IL7: variants seen among roughly 807,000 people sequenced by gnomAD.
The protein encoded by IL7 is interleukin 7, also known as interleukin-7.
IL7 carries 3 observed loss-of-function variants against 21.6 expected under a neutral mutation model. The ratio of observed to expected loss-of-function variants is 0.14; its 90% CI spans 0.06 to 0.36. The LOEUF (loss-of-function observed/expected upper bound fraction) is 0.36. Ranked by LOEUF, IL7 falls within the 10% of genes least tolerant of loss-of-function variation. The probability of loss-of-function intolerance (pLI) is 1.00; values close to 1 mark genes in which losing one functional copy is unlikely to be tolerated. For missense variants in IL7, 175 were observed against 200.2 expected (o/e 0.87, Z 0.76); for synonymous variants, 62 against 68.1 (o/e 0.91, Z 0.44).
chr8:78,712,171 G>A (rs1344849717), intron 3 of IL7: 1 of 948,600 alleles, frequency 1.1e-6, no homozygotes, highest in Middle Eastern at 2.7e-4. Flanking sequence ...TTTATATAAT[G>A]GAATAACATA....
chr8:78,691,609 C>G (rs1003354943), intron 3 of IL7, among the ~76,000 whole-genome samples: 3 of 152,046 alleles, frequency 2.0e-5, no homozygotes, highest in Non-Finnish European at 4.4e-5. Context: ...GGTCTGCCAT[C>G]TGTTTTCTCC....
chr8:78,739,538 A>C (rs1811708213), intron 3 of IL7, among the ~76,000 whole-genome samples: 4 of 152,070 alleles, frequency 2.6e-5, no homozygotes. Flanking sequence ...CTAAAAATAC[A>C]AAAATTAGTT....
At chr8:78,750,080 T>G (rs1430706978) in intron 2 of IL7, among the ~76,000 whole-genome samples, 1 of 152,052 alleles carries the variant, frequency 6.6e-6, no homozygotes, top group Non-Finnish European at 1.5e-5. Flanking sequence ...TGTTCTCCTT[T>G]AAAGGGCCTA....
intron 2 of IL7, among the ~76,000 whole-genome samples, chr8:78,775,451 G>C (rs1167757032): frequency 1.3e-5 from 2 of 152,100 alleles, no homozygotes; most frequent in African/African-American, 4.8e-5. Context: ...GCAATGAAAA[G>C]AACACCAAAC....
intron 4 of IL7, among the ~76,000 whole-genome samples, chr8:78,676,675 C>G (rs1809589173): frequency 6.6e-6 from 1 of 151,880 alleles, no homozygotes; most frequent in Non-Finnish European, 1.5e-5. Flanking sequence ...ATTAATGATC[C>G]AAAGTGTCCT....
At chr8:78,735,051 A>G (rs1448689311) in intron 5 of IL7, among the ~76,000 whole-genome samples, 1 of 152,192 alleles carries the variant, frequency 6.6e-6, no homozygotes, top group Non-Finnish European at 1.5e-5. Context: ...CAGATCTCAA[A>G]GGGAAATATA....
chr8:78,776,576 T>TTGCAGATGCAAATA (rs1813146314), intron 2 of IL7, among the ~76,000 whole-genome samples: 1 of 152,100 alleles, frequency 6.6e-6, no homozygotes, highest in Admixed American at 6.6e-5. Flanking sequence ...CAGGTTTTTA[T>TTGCAGATGCAAATA]TTGCATCTGT....
At chr8:78,728,749 C>G (rs1811375983), downstream of IL7, among the ~76,000 whole-genome samples, 1 of 151,950 alleles carries the variant, frequency 6.6e-6, no homozygotes. Context: ...GAGGAGATCA[C>G]TGGCATCTAA....
chr8:78,791,805 G>C (rs1162704099), intron 2 of IL7, among the ~76,000 whole-genome samples: 1 of 152,140 alleles, frequency 6.6e-6, no homozygotes, highest in East Asian at 1.9e-4. Context: ...CATTACTTCT[G>C]TCCATGCCAC....
At chr8:78,717,380 G>A, downstream of IL7, 1 of 1,613,726 alleles carries the variant, frequency 6.2e-7, no homozygotes, top group African/African-American at 1.3e-5. Context: ...TAAAGGCATT[G>A]AAGGACATTC....
chr8:78,740,928 T>A (rs559742300), intron 2 of IL7, among the ~76,000 whole-genome samples: 1 of 152,118 alleles, frequency 6.6e-6, no homozygotes, highest in Non-Finnish European at 1.5e-5. Context: ...AATCAATAAT[T>A]TAGTTGATAT....
intron 1 of IL7, 22 bp downstream of exon 1, chr8:78,804,891 C>A (rs577434539): frequency 1.2e-6 from 2 of 1,612,646 alleles, no homozygotes; most frequent in East Asian, 4.5e-5. Flanking sequence ...CGAACTTGTG[C>A]GCAAGGGAGA....
At chr8:78,683,312 A>G (rs989233924) in intron 4 of IL7, among the ~76,000 whole-genome samples, 1 of 152,222 alleles carries the variant, frequency 6.6e-6, no homozygotes, top group Non-Finnish European at 1.5e-5. Context: ...CCGCCCCTGA[A>G]ACAAACTTCT....
chr8:78,689,004 G>T (rs1242698590), intron 3 of IL7, among the ~76,000 whole-genome samples: 1 of 147,066 alleles, frequency 6.8e-6, no homozygotes, highest in Non-Finnish European at 1.5e-5. Flanking sequence ...TTCAAAGCTA[G>T]AAGAAAATTG....
At chr8:78,724,728 G>C (rs1409357113) in intron 3 of IL7, among the ~76,000 whole-genome samples, 1 of 152,010 alleles carries the variant, frequency 6.6e-6, no homozygotes, top group Non-Finnish European at 1.5e-5. Context: ...TTGTATGCTA[G>C]AGTAGCTTTA....
At chr8:78,691,683 CT>C (rs1296485359) in intron 3 of IL7, among the ~76,000 whole-genome samples, 2 of 151,852 alleles carry the variant, frequency 1.3e-5, no homozygotes, top group Non-Finnish European at 2.9e-5. Flanking sequence ...ATTTCATTTT[CT>C]TTTTTGGCTT....
intron 4 of IL7, among the ~76,000 whole-genome samples, chr8:78,737,471 A>T (rs936536021): frequency 5.3e-5 from 8 of 152,124 alleles, no homozygotes; most frequent in Non-Finnish European, 1.0e-4. Context: ...AGAAAAAAAA[A>T]GTAGAAATGC....
At chr8:78,693,396 G>GT (rs1810283522) in intron 3 of IL7, among the ~76,000 whole-genome samples, 1 of 152,132 alleles carries the variant, frequency 6.6e-6, no homozygotes, top group Non-Finnish European at 1.5e-5. Context: ...AGCACCTGTT[G>GT]TTTCCTGATT....
chr8:78,707,992 AT>A (rs1360912411), intron 3 of IL7, among the ~76,000 whole-genome samples: 1 of 152,116 alleles, frequency 6.6e-6, no homozygotes, highest in Non-Finnish European at 1.5e-5. Flanking sequence ...CTAACAAAAA[AT>A]TTTTGGTTAA....
Sources: gnomAD v4.1 joint callset for allele counts (sites outside exome capture counted in the v4.1 genomes callset) on GRCh38, gnomAD v4.1.1 for gene constraint, MANE v1.5 for transcripts, NCBI Gene and HGNC (gene_info 2026-07-23, HGNC 2026-07-21) for gene names.